PPFIBP2: variants seen among roughly 807,000 people sequenced by gnomAD.
PPFIBP2 encodes the protein liprin-beta-2.
A neutral mutation model predicts 118.3 loss-of-function variants in PPFIBP2; 118 were observed. That is an observed-to-expected ratio of 1.00 (90% CI 0.86 to 1.16). The LOEUF is 1.16. Ranked by LOEUF, PPFIBP2 falls within the 50% of genes most tolerant of loss-of-function variation. The pLI, the probability that PPFIBP2 is intolerant of heterozygous loss-of-function variation, is 0.00. For synonymous variants in PPFIBP2, 414 were observed against 397.4 expected (o/e 1.04, Z -0.50); for missense variants, 1,195 against 1,073.1 (o/e 1.11, Z -1.59).
At chr11:7,531,700 A>G (rs1013377964) in intron 1 of PPFIBP2, among the ~76,000 whole-genome samples, 12 of 152,220 alleles carry the variant, frequency 7.9e-5, no homozygotes, top group African/African-American at 2.9e-4. Context: ...TTGGGCTGCC[A>G]TAACAAAGTA....
rs1850831315 is a variant in PPFIBP2, at chr11:7,532,743, C to T, written c.-36-16697C>T. Among the ~76,000 whole-genome samples, 3 of 152,214 alleles carry T rather than the reference C, an allele frequency of 2.0e-5. No individual in the cohort carries two copies. The South Asian group carries it at 6.2e-4, about 31-fold the overall frequency. ...AGGCCAGGCTGTTGTTGACAGTGCACACAGGCCTGTCTTTAAAGAAATTCT... is the reference window on the plus strand; with the variant it reads ...AGGCCAGGCTGTTGTTGACAGTGCATACAGGCCTGTCTTTAAAGAAATTCT... On this transcript the variant is annotated intron_variant, in intron 1 of 23. Transcript: ENST00000299492.
downstream of PPFIBP2, among the ~76,000 whole-genome samples, chr11:7,655,228 A>G (rs1046435200): frequency 1.3e-5 from 2 of 152,120 alleles, no homozygotes; most frequent in Admixed American, 1.3e-4. Flanking sequence ...GCAGTGTGGG[A>G]CATTGATGCC....
chr11:7,531,989 C>T (rs1850733808), intron 1 of PPFIBP2, among the ~76,000 whole-genome samples: 1 of 152,110 alleles, frequency 6.6e-6, no homozygotes, highest in South Asian at 2.1e-4. Context: ...GCATGTACTA[C>T]CACACTTGGC....
intron 14 of PPFIBP2, among the ~76,000 whole-genome samples, chr11:7,638,353 G>A (rs1418807074): frequency 6.6e-6 from 1 of 152,172 alleles, no homozygotes; most frequent in East Asian, 1.9e-4. Context: ...AAATCTCATA[G>A]CCTTCCTCTC....
At chr11:7,532,221 T>C (rs1486610357) in intron 1 of PPFIBP2, among the ~76,000 whole-genome samples, 2 of 119,198 alleles carry the variant, frequency 1.7e-5, no homozygotes, top group Admixed American at 1.5e-4. Context: ...CCTAATCTGC[T>C]CTGCTTTTAA....
At chr11:7,630,626 T>C (rs1283204074) in intron 10 of PPFIBP2, among the ~76,000 whole-genome samples, 1 of 152,208 alleles carries the variant, frequency 6.6e-6, no homozygotes, top group South Asian at 2.1e-4. Context: ...AGCCATCTTT[T>C]TAAGATCATG....
intron 7 of PPFIBP2, among the ~76,000 whole-genome samples, chr11:7,624,615 T>G (rs1228086827): frequency 1.7e-4 from 26 of 152,260 alleles, no homozygotes; most frequent in African/African-American, 6.0e-4. Flanking sequence ...GCCTTTGCTG[T>G]CTTTTATTGA....
At chr11:7,628,411 G>A in intron 9 of PPFIBP2, 65 bp downstream of exon 9, 1 of 1,417,010 alleles carries the variant, frequency 7.1e-7, no homozygotes, top group East Asian at 2.3e-5. Flanking sequence ...TTTGGTCCCT[G>A]CTGGTCTCTG....
chr11:7,546,991 G>A (rs539250833), intron 1 of PPFIBP2, among the ~76,000 whole-genome samples: 1 of 152,336 alleles, frequency 6.6e-6, no homozygotes, highest in Admixed American at 6.5e-5. Context: ...TGGCTGCATG[G>A]ATCTGTCCAT....
At chr11:7,626,717 T>C (rs1850061198) in intron 8 of PPFIBP2, among the ~76,000 whole-genome samples, 1 of 152,258 alleles carries the variant, frequency 6.6e-6, no homozygotes, top group African/African-American at 2.4e-5. Flanking sequence ...CTGTTTGCCA[T>C]GTATACAAAG....
chr11:7,617,441 T>C, intron 6 of PPFIBP2: 2 of 422,616 alleles, frequency 4.7e-6, no homozygotes, highest in Non-Finnish European at 6.3e-6. Context: ...ACTCACTCAA[T>C]CCTCTTGGGA....
chr11:7,545,839 A>G (rs1852268003), intron 1 of PPFIBP2, among the ~76,000 whole-genome samples: 1 of 152,170 alleles, frequency 6.6e-6, no homozygotes, highest in Admixed American at 6.5e-5. Flanking sequence ...AGAGAAACCA[A>G]CCTGGTGATT....
chr11:7,556,393 T>C lies in PPFIBP2; in HGVS notation c.64+6854T>C, dbSNP rs879332418. On this transcript the variant is annotated intron_variant, in intron 2 of 23. Coordinates refer to ENST00000299492, the MANE Select transcript of PPFIBP2 (RefSeq NM_003621.5). The stretch of plus-strand genomic sequence containing the variant: ...TGGCATGAACCCAGGAGGTGGAGCT[T>C]GCAATGATCGTGCCACTGCACTCCA... 9.9e-5 allele frequency among the ~76,000 whole-genome samples: 15 copies of C among 152,230 alleles called. 1 individual carries two copies. Among genetic ancestry groups the C allele is most frequent in the East Asian group, 9.7e-4 (5 of 5,170 alleles).
chr11:7,519,255 T>G (rs143691144), intron 1 of PPFIBP2, among the ~76,000 whole-genome samples: 2 of 152,204 alleles, frequency 1.3e-5, no homozygotes, highest in African/African-American at 4.8e-5. Flanking sequence ...GACAGCAGTC[T>G]GCTGGATCTA....
the PPFIBP2 span, among the ~76,000 whole-genome samples, chr11:7,663,732 C>T: frequency 1.3e-4 from 19 of 151,512 alleles, no homozygotes; most frequent in East Asian, 5.8e-4. Context: ...TAATGGCGGG[C>T]GCCCCTCCCC....
chr11:7,654,643 C>T (rs1854518163), downstream of PPFIBP2, among the ~76,000 whole-genome samples: 1 of 152,242 alleles, frequency 6.6e-6, no homozygotes, highest in South Asian at 2.1e-4. Flanking sequence ...GTACCCAGGT[C>T]CACTGGATGA....
the PPFIBP2 span, chr11:7,665,972 G>A: frequency 1.4e-6 from 2 of 1,478,644 alleles, no homozygotes; most frequent in Non-Finnish European, 1.8e-6. Flanking sequence ...CGGGAGCAGT[G>A]TGAGAGGCGC....
At chr11:7,579,511 G>A (rs1856946851) in intron 3 of PPFIBP2, among the ~76,000 whole-genome samples, 1 of 152,096 alleles carries the variant, frequency 6.6e-6, no homozygotes, top group African/African-American at 2.4e-5. Flanking sequence ...CCATCACTTG[G>A]TCCTTCTTTC....
At chr11:7,611,756 A>C (rs1848097761) in intron 6 of PPFIBP2, among the ~76,000 whole-genome samples, 1 of 152,244 alleles carries the variant, frequency 6.6e-6, no homozygotes, top group Non-Finnish European at 1.5e-5. Context: ...TTAGCATAGT[A>C]ATAGTTAGCT....
Sources: allele counts gnomAD v4.1 joint callset (sites outside exome capture counted in the v4.1 genomes callset), GRCh38; gene constraint gnomAD v4.1.1; transcripts MANE v1.5; gene names NCBI Gene and HGNC (gene_info 2026-07-23, HGNC 2026-07-21).